Variants in ARHGEF18 observed in about 807,000 individuals in gnomAD.
ARHGEF18 encodes the protein rho guanine nucleotide exchange factor 18.
In ARHGEF18, 93 loss-of-function variants were observed where a neutral mutation model predicts 155.7. The ratio of observed to expected loss-of-function variants is 0.60; its 90% confidence interval spans 0.50 to 0.71. The LOEUF (loss-of-function observed/expected upper bound fraction) is 0.71. ARHGEF18 is among the 30% of genes least tolerant of loss of function. The pLI, the probability that ARHGEF18 is intolerant of heterozygous loss-of-function variation, is 0.00. For missense variants in ARHGEF18, 1,593 were observed against 1,816.1 expected (o/e 0.88, Z 2.23); for synonymous variants, 742 against 753.1 (o/e 0.99, Z 0.24).
intron 23 of ARHGEF18, among the ~76,000 whole-genome samples, 170 bp from the exon 24 acceptor site, chr19:7,466,748 G>A (rs1285977499): frequency 7.3e-6 from 1 of 136,090 alleles, no homozygotes; most frequent in African/African-American, 2.9e-5. Context: ...AGGGTGCAGT[G>A]AGCCAAGATC....
intron 7 of ARHGEF18, among the ~76,000 whole-genome samples, chr19:7,379,731 A>C (rs938722715): frequency 6.6e-6 from 1 of 152,092 alleles, no homozygotes; most frequent in Non-Finnish European, 1.5e-5. Flanking sequence ...ATCTGTTACA[A>C]AATCTTCCTG....
At chr19:7,427,819 G>C (rs1460647377) in intron 10 of ARHGEF18, among the ~76,000 whole-genome samples, 1 of 151,932 alleles carries the variant, frequency 6.6e-6, no homozygotes, top group African/African-American at 2.4e-5. Flanking sequence ...GTTGGCACAC[G>C]CCTGTAATCC....
Position 7,470,672 on chromosome 19 carries a change from G to A in ARHGEF18, c.*374G>A, listed in dbSNP as rs1398926693. Reference sequence around the variant, plus strand: ...GTGAGGAACGGTGCCGGCTCTGCACGGAGCTGAGGACAGGACAGACCTTGC... The same window carrying A: ...GTGAGGAACGGTGCCGGCTCTGCACAGAGCTGAGGACAGGACAGACCTTGC... On this transcript the variant is annotated 3_prime_UTR_variant, in exon 29 of 29. Coordinates refer to ENST00000668164, the MANE Select transcript of ARHGEF18 (RefSeq NM_001367823.1). The surrounding 1 kb of genome is among the most constrained non-coding windows in gnomAD (Gnocchi z 5.9). 2.5e-6 allele frequency: 1 copy of A among 399,030 alleles called. No individual in the cohort carries two copies. Among genetic ancestry groups the A allele is most frequent in the East Asian group, 3.6e-5 (1 of 28,022 alleles). 24.7% of individuals were successfully genotyped at this position (399,030 alleles called of 1,614,324 possible).
chr19:7,388,119 G>A (rs75544600), intron 10 of ARHGEF18, among the ~76,000 whole-genome samples: 2,276 of 152,184 alleles, frequency 0.015, 42 homozygotes, highest in Non-Finnish European at 0.024. Context: ...CTTGAGCAAT[G>A]AGAGTTCCAA....
chr19:7,445,516 C>A (rs867962350), intron 14 of ARHGEF18, among the ~76,000 whole-genome samples: 1 of 152,160 alleles, frequency 6.6e-6, no homozygotes, highest in African/African-American at 2.4e-5. Flanking sequence ...CAAATGATCA[C>A]CCTAGGCCAA....
chr19:7,374,506 CCT>C (rs961432469), intron 3 of ARHGEF18, among the ~76,000 whole-genome samples: 7 of 151,772 alleles, frequency 4.6e-5, no homozygotes, highest in Admixed American at 3.9e-4. Flanking sequence ...GGCAAAACCC[CCT>C]GTCTACTAAA....
intron 12 of ARHGEF18, 63 bp from the exon 13 acceptor site, chr19:7,441,849 C>G: frequency 6.2e-7 from 1 of 1,612,966 alleles, no homozygotes; most frequent in South Asian, 1.1e-5. Flanking sequence ...AGCATGTCTA[C>G]GGGAGGGAAT....
chr19:7,377,362 C>T (rs568889880), intron 5 of ARHGEF18, among the ~76,000 whole-genome samples: 14 of 152,134 alleles, frequency 9.2e-5, no homozygotes, highest in African/African-American at 3.1e-4. Flanking sequence ...TGAACCACCG[C>T]GCCCAGCATT....
At chr19:7,407,005 C>T (rs1400469675) in intron 10 of ARHGEF18, among the ~76,000 whole-genome samples, 4 of 134,372 alleles carry the variant, frequency 3.0e-5, no homozygotes, top group African/African-American at 1.1e-4. Flanking sequence ...GCAGAGCTTG[C>T]AGTGAGCGGA....
intron 10 of ARHGEF18, among the ~76,000 whole-genome samples, chr19:7,419,900 C>T (rs1973248043): frequency 6.7e-6 from 1 of 149,134 alleles, no homozygotes; most frequent in Admixed American, 6.6e-5. Context: ...CACACTTGGG[C>T]TCTGTACCCC....
At position 7,376,683 on chromosome 19, in the gene ARHGEF18, T is replaced by C; in HGVS notation, c.467T>C (p.Val156Ala). 8.1e-7 allele frequency: 1 copy of C among 1,234,482 alleles called. No individual in the cohort carries two copies. The highest frequency in any genetic ancestry group is 1.0e-6 in the Non-Finnish European group (1 of 988,262). 76.5% of individuals were successfully genotyped at this position (1,234,482 alleles called of 1,614,324 possible). A position where few individuals can be genotyped will look rare whatever the true frequency, so the allele number is the denominator to read the frequency against. ...AAGAAAAGAGGGAGGTCAAGGTCCG[T>C]TCCTGTGTCCTTCTATGAGATCCGC... ...SPKKRGRSRSVPVSFYEIRSP... is the reference protein window; with the variant it reads ...SPKKRGRSRSAPVSFYEIRSP... The change falls in exon 5 of 29, where the codon GTT (valine) becomes GCT (alanine). Residue 156 changes from valine (V) to alanine (A), a missense_variant. Physicochemically the swap from Val to Ala is moderately conservative, Grantham distance 64. Coordinates refer to ENST00000668164, the MANE Select transcript of ARHGEF18 (RefSeq NM_001367823.1).
At position 7,451,180 on chromosome 19, in the gene ARHGEF18, T is replaced by A. The variant is rs188811081; in HGVS notation, c.1769T>A (p.Leu590His). ...KIGNFSIVRR[L>H]GVQECILLVT... ...GGCAACTTCTCCATCGTGCGGCGGC[T>A]TGGCGTGCAGGAGTGCATTCTCCTG... Residue 590 changes from leucine to histidine, a missense_variant, in exon 16 of 29, where the codon CTT becomes CAT. Coordinates refer to ENST00000668164, the MANE Select transcript of ARHGEF18 (RefSeq NM_001367823.1). The A allele has an allele frequency of 6.4e-7, 1 of 1,551,156 alleles. No homozygotes were observed. Among genetic ancestry groups the A allele is most frequent in the East Asian group, 2.3e-5 (1 of 43,210 alleles).
intron 10 of ARHGEF18, among the ~76,000 whole-genome samples, chr19:7,397,626 A>T (rs1971791288): frequency 6.6e-6 from 1 of 152,010 alleles, no homozygotes; most frequent in African/African-American, 2.4e-5. Flanking sequence ...CCAGCTAGTC[A>T]GGAGGCTGAG....
chr19:7,456,549 T>C (rs554081902), intron 18 of ARHGEF18, 146 bp downstream of exon 18: 22 of 732,908 alleles, frequency 3.0e-5, no homozygotes, highest in Non-Finnish European at 4.8e-5. Context: ...AAACCTCACC[T>C]CTACTAAAAA....
the ARHGEF18 span, chr19:7,478,262 C>T: frequency 1.9e-6 from 3 of 1,583,810 alleles, no homozygotes; most frequent in Admixed American, 5.4e-5. Context: ...GCCGGGATCC[C>T]ACGCCTGCTG....
intron 16 of ARHGEF18, among the ~76,000 whole-genome samples, 195 bp downstream of exon 16, chr19:7,451,461 T>G (rs1336393787): frequency 6.8e-6 from 1 of 146,024 alleles, no homozygotes; most frequent in Non-Finnish European, 1.5e-5. Flanking sequence ...CAGGCTGGAG[T>G]GTAGTGGTGA....
intron 10 of ARHGEF18, among the ~76,000 whole-genome samples, chr19:7,416,058 C>T (rs1972986447): frequency 1.3e-5 from 2 of 152,172 alleles, no homozygotes; most frequent in Admixed American, 6.5e-5. Context: ...TATGGAGTAC[C>T]ACGGTTTTCG....
At chr19:7,429,096 G>A (rs923906257) in intron 10 of ARHGEF18, among the ~76,000 whole-genome samples, 1 of 150,578 alleles carries the variant, frequency 6.6e-6, no homozygotes, top group African/African-American at 2.5e-5. Flanking sequence ...TAAGAGAGAC[G>A]CCTTGAGTCG....
chr19:7,412,788 G>A (rs12982801), intron 10 of ARHGEF18, among the ~76,000 whole-genome samples: 71,157 of 151,314 alleles, frequency 0.47, 18,651 homozygotes, highest in Middle Eastern at 0.7. Context: ...ATCTTAGTGG[G>A]TGTGAAGTGG....
Sources: allele counts gnomAD v4.1 joint callset (sites outside exome capture counted in the v4.1 genomes callset), GRCh38; gene constraint gnomAD v4.1.1; non-coding constraint Gnocchi (gnomAD v3.1); transcripts MANE v1.5; gene names NCBI Gene and HGNC (gene_info 2026-07-23, HGNC 2026-07-21).